The following ANKRD34A variants were observed in gnomAD, a reference collection of about 807,000 sequenced individuals.
The protein encoded by ANKRD34A is ankyrin repeat domain-containing protein 34A.
Under a neutral mutation model 27.1 loss-of-function variants are expected in ANKRD34A, and 7 were observed. That is an observed-to-expected ratio of 0.26 (90% CI 0.15 to 0.49). ANKRD34A has a LOEUF of 0.49. Ranked by LOEUF, ANKRD34A falls within the 20% of genes least tolerant of loss-of-function variation. ANKRD34A has a pLI of 0.99. For synonymous variants in ANKRD34A, 301 were observed against 300.8 expected (o/e 1.00, Z -0.01); for missense variants, 472 against 682.1 (o/e 0.69, Z 3.43).
In ANKRD34A at chr1:145,960,590, T is replaced by A; in HGVS notation, c.1170A>T (p.Ala390=). The A allele has an allele frequency of 6.3e-7, 1 of 1,583,732 alleles. No individual in the cohort carries two copies. Among genetic ancestry groups the A allele is most frequent in the African/African-American group, 1.3e-5 (1 of 74,374 alleles). ...PRQSQESLPG[A]VSPLSGRRRS... is the part of the protein sequence containing the mutation. ...GCCTCCTTCCGCTTAGCGGAGATAC[T>A]GCCCCTGGCAGACTCTCCTGGGACT... is the stretch of plus-strand genomic sequence containing the variant. Residue 390 remains alanine (A), a synonymous_variant, in exon 4 of 4, where the codon GCA becomes GCT. Transcript: ENST00000606888. The surrounding 1 kb of genome is among the most constrained non-coding windows in gnomAD (Gnocchi z 5.5).
In ANKRD34A at chr1:145,961,490, G is replaced by A. The variant is rs150801194; in HGVS notation, c.270C>T (p.Gly90=). 4 of 1,573,930 alleles carry A rather than the reference G, an allele frequency of 2.5e-6. No homozygotes were observed. The highest frequency in any genetic ancestry group is 2.2e-5 in the East Asian group (1 of 44,512). The change falls in exon 4 of 4, where the codon GGC becomes GGT. Residue 90 remains glycine, a synonymous_variant. Coordinates refer to ENST00000606888, the MANE Select transcript of ANKRD34A (RefSeq NM_001039888.4). This position sits in a 1 kb window ranked among gnomAD's most constrained non-coding sequence, Gnocchi z 9.5. ...ALMHACAGGG[G]AAVASLLLAH... Reference sequence around the variant, plus strand: ...CAAGGAGCAGCGAGGCCACCGCGGCGCCCCCACCCCCGGCGCAAGCGTGCA... The same window carrying A: ...CAAGGAGCAGCGAGGCCACCGCGGCACCCCCACCCCCGGCGCAAGCGTGCA...
At position 145,961,869 on chromosome 1, in the gene ANKRD34A, G is replaced by A; in HGVS notation, c.-110C>T. ...GGCAGAGGCCTGAGGTCTCAGTGAC[G>A]AAGCCGATCCCTGCAAGAGAGACAT... is the stretch of plus-strand genomic sequence containing the variant. On this transcript the variant is annotated 5_prime_UTR_variant, in exon 4 of 4. Coordinates refer to ENST00000606888, the MANE Select transcript of ANKRD34A (RefSeq NM_001039888.4). This position sits in a 1 kb window ranked among gnomAD's most constrained non-coding sequence, Gnocchi z 9.5. 4 of 1,249,100 alleles carry A rather than the reference G, an allele frequency of 3.2e-6. No individual in the cohort carries two copies. The highest frequency in any genetic ancestry group is 2.5e-5 in the East Asian group (1 of 39,300). The allele number at this position is 1,249,100 out of a possible 1,614,324, so 77.4% of individuals were successfully genotyped here.
At position 145,961,868 on chromosome 1, in the gene ANKRD34A, C is replaced by G; in HGVS notation, c.-109G>C. On this transcript the variant is annotated 5_prime_UTR_variant, in exon 4 of 4. Transcript: ENST00000606888. The surrounding 1 kb of genome is among the most constrained non-coding windows in gnomAD (Gnocchi z 9.5). The stretch of plus-strand genomic sequence containing the variant: ...TGGCAGAGGCCTGAGGTCTCAGTGA[C>G]GAAGCCGATCCCTGCAAGAGAGACA... 1 of 1,250,490 alleles carries G rather than the reference C, an allele frequency of 8.0e-7. No homozygotes were observed. Among genetic ancestry groups the G allele is most frequent in the Non-Finnish European group, 1.1e-6 (1 of 925,428 alleles). The allele number at this position is 1,250,490 out of a possible 1,614,324, so 77.5% of individuals were successfully genotyped here.
At position 145,960,150 on chromosome 1, in the gene ANKRD34A, C is replaced by G; in HGVS notation, c.*119G>C. On this transcript the variant is annotated 3_prime_UTR_variant, in exon 4 of 4. Coordinates refer to ENST00000606888, the MANE Select transcript of ANKRD34A (RefSeq NM_001039888.4). The surrounding 1 kb of genome is among the most constrained non-coding windows in gnomAD (Gnocchi z 5.5). ...ACATGTTTAACCATGTGTGGGTGCACTGTGCACCCATGAGCACATGCAAGA... is the reference window on the plus strand; with the variant it reads ...ACATGTTTAACCATGTGTGGGTGCAGTGTGCACCCATGAGCACATGCAAGA... 8.0e-7 allele frequency: 1 copy of G among 1,244,510 alleles called. No individual in the cohort carries two copies. The allele number at this position is 1,244,510 out of a possible 1,614,324, so 77.1% of individuals were successfully genotyped here. A position where few individuals can be genotyped will look rare whatever the true frequency, so the allele number is the denominator to read the frequency against.
In ANKRD34A at chr1:145,961,172, CCCT is replaced by C. The variant is rs782018409; in HGVS notation, c.585_587del (p.Gly196del). ...GGGCGCGAGGGGATAACATCCCACG[CCCT>C]CCTCCTCCAGCGGTCTGCAGTTGGA... On this transcript the variant is annotated inframe_deletion, in exon 4 of 4. Coordinates refer to ENST00000606888, the MANE Select transcript of ANKRD34A (RefSeq NM_001039888.4). The surrounding 1 kb of genome is among the most constrained non-coding windows in gnomAD (Gnocchi z 9.5). The C allele has an allele frequency of 2.7e-5, 43 of 1,614,034 alleles. No individual in the cohort carries two copies. Among genetic ancestry groups the C allele is most frequent in the Non-Finnish European group, 3.5e-5 (41 of 1,180,016 alleles).
intron 1 of ANKRD34A, among the ~76,000 whole-genome samples, chr1:145,963,753 C>A (rs1332895345): frequency 6.6e-6 from 1 of 152,160 alleles, no homozygotes; most frequent in Non-Finnish European, 1.5e-5. Context: ...GTGCCATGTG[C>A]TTTACATACA....
chr1:145,961,172 C>T lies in ANKRD34A; in HGVS notation c.588G>A (p.Gly196=). 5.0e-6 allele frequency: 8 copies of T among 1,614,152 alleles called. No homozygotes were observed. Among genetic ancestry groups the T allele is most frequent in the East Asian group, 2.2e-5 (1 of 44,868 alleles). ...GGGCGCGAGGGGATAACATCCCACG[C>T]CCTCCTCCTCCAGCGGTCTGCAGTT... is the stretch of plus-strand genomic sequence containing the variant. The part of the protein sequence containing the change: ...EIQLQTAGGG[G]RGMLSPRAQE... Residue 196 remains glycine (G), a synonymous_variant, in exon 4 of 4, where the codon GGG becomes GGA. Coordinates refer to ENST00000606888, the MANE Select transcript of ANKRD34A (RefSeq NM_001039888.4). This position sits in a 1 kb window ranked among gnomAD's most constrained non-coding sequence, Gnocchi z 9.5.
chr1:145,960,964 G>C lies in ANKRD34A; in HGVS notation c.796C>G (p.Pro266Ala), dbSNP rs202083168. Residue 266 changes from proline (P) to alanine (A), a missense_variant, in exon 4 of 4, where the codon CCG becomes GCG. Coordinates refer to ENST00000606888, the MANE Select transcript of ANKRD34A (RefSeq NM_001039888.4). This position sits in a 1 kb window ranked among gnomAD's most constrained non-coding sequence, Gnocchi z 5.5. ...TCGGCAGTCAAGCGCTCGATCCCCG[G>C]TCTCCCTTCAGTGGGTGGGACTGGT... ...PQPVPPTEGR[P>A]GIERLTAEFN... The C allele has an allele frequency of 4.1e-5, 66 of 1,614,214 alleles. No individual in the cohort carries two copies. In the African/African-American group the frequency reaches 7.5e-4, roughly 18 times the overall value.
rs782096186 is a variant in ANKRD34A at position 145,961,019 on chromosome 1, G to T, written c.741C>A (p.Ser247=). The change falls in exon 4 of 4, where the codon TCC becomes TCA. Residue 247 remains serine (S), a synonymous_variant. Transcript: ENST00000606888. The surrounding 1 kb of genome is among the most constrained non-coding windows in gnomAD (Gnocchi z 9.5). The stretch of plus-strand genomic sequence containing the variant: ...GAGGGGCCACTAGGCCCCAGGGCTC[G>T]GAGTTGAGCCTTTTGAGTGGTTTTG... ...HPPKPLKRLN[S]EPWGLVAPPQ... 1 of 1,613,972 alleles carries T rather than the reference G, an allele frequency of 6.2e-7. No individual in the cohort carries two copies. Among genetic ancestry groups the T allele is most frequent in the African/African-American group, 1.3e-5 (1 of 74,942 alleles).
rs896620185 is a variant in ANKRD34A, at chr1:145,960,005, T to C, written c.*264A>G. The C allele has an allele frequency of 4.8e-6, 2 of 413,258 alleles. No homozygotes were observed. The highest frequency in any genetic ancestry group is 8.8e-6 in the Non-Finnish European group (2 of 227,632). 25.6% of individuals were successfully genotyped at this position (413,258 alleles called of 1,614,324 possible). A position where few individuals can be genotyped will look rare whatever the true frequency, so the allele number is the denominator to read the frequency against. On this transcript the variant is annotated 3_prime_UTR_variant, in exon 4 of 4. Transcript: ENST00000606888. The surrounding 1 kb of genome is among the most constrained non-coding windows in gnomAD (Gnocchi z 5.5). Reference sequence around the variant, plus strand: ...TGTGTTTATTGATATGCTGTGCCTGTAGGTACACAAGTAATCCCATATGCA... The same window carrying C: ...TGTGTTTATTGATATGCTGTGCCTGCAGGTACACAAGTAATCCCATATGCA...
Position 145,961,206 on chromosome 1 carries a change from G to A in ANKRD34A, c.554C>T (p.Ser185Leu), listed in dbSNP as rs140403950. ...TCCAGCGGTCTGCAGTTGGATTTCC[G>A]AAGGCGACGTGCAGAACCCCGGGCT... ...SPSPGFCTSPSEIQLQTAGGG... is the reference protein window; with the variant it reads ...SPSPGFCTSPLEIQLQTAGGG... Residue 185 changes from serine to leucine, a missense_variant, in exon 4 of 4, where the codon TCG becomes TTG. Physicochemically the swap from Ser to Leu is moderately radical, Grantham distance 145 (BLOSUM62 -2). Transcript: ENST00000606888. The surrounding 1 kb of genome is among the most constrained non-coding windows in gnomAD (Gnocchi z 9.5). The A allele has an allele frequency of 3.1e-6, 5 of 1,614,066 alleles. No individual in the cohort carries two copies. Among genetic ancestry groups the A allele is most frequent in the East Asian group, 4.5e-5 (2 of 44,882 alleles).
intron 2 of ANKRD34A, 66 bp from the exon 3 acceptor site, chr1:145,963,034 G>T (rs1570984913): frequency 6.6e-6 from 1 of 152,598 alleles, no homozygotes; most frequent in East Asian, 1.9e-4. Context: ...TGCAAAGAGA[G>T]GCAAGAGATG....
chr1:145,961,325 G>A lies in ANKRD34A; in HGVS notation c.435C>T (p.Thr145=). The change falls in exon 4 of 4, where the codon ACC becomes ACT. Residue 145 remains threonine, a synonymous_variant. Transcript: ENST00000606888. This position sits in a 1 kb window ranked among gnomAD's most constrained non-coding sequence, Gnocchi z 9.5. ...TGGTGCCTGAGGGCGAGGTATCGGT[G>A]GTGATGATGATGACCTCCGTACCCT... ...KAKGTEVIII[T]TDTSPSGTKK... 1 of 1,614,096 alleles carries A rather than the reference G, an allele frequency of 6.2e-7. No individual in the cohort carries two copies.
At chr1:145,963,009 C>G (rs973549701) in intron 2 of ANKRD34A, 41 bp from the exon 3 acceptor site, 7 of 152,378 alleles carry the variant, frequency 4.6e-5, no homozygotes, top group Non-Finnish European at 1.0e-4. Context: ...GGATCCACAG[C>G]CGGTGTCCAT....
chr1:145,959,526 A>C lies in ANKRD34A; in HGVS notation c.*743T>G, dbSNP rs1375342793. 6.0e-6 allele frequency: 1 copy of C among 167,108 alleles called. No individual in the cohort carries two copies. Among genetic ancestry groups the C allele is most frequent in the African/African-American group, 2.4e-5 (1 of 41,436 alleles). The allele number at this position is 167,108 out of a possible 1,614,324, so 10.4% of individuals were successfully genotyped here. On this transcript the variant is annotated 3_prime_UTR_variant, in exon 4 of 4. Transcript: ENST00000606888. ...CCCACTTCTACCTGTGGGGGTGTTC[A>C]TAAGCTCAGACAGACAGAAGAGCAG...
chr1:145,961,053 C>A lies in ANKRD34A; in HGVS notation c.707G>T (p.Arg236Leu), dbSNP rs782304767. ...SPSEPLPKPP[R>L]HPPKPLKRLN... is the part of the protein sequence containing the mutation. ...CCTTTTGAGTGGTTTTGGGGGATGGCGTGGTGGTTTGGGGAGCGGCTCGGA... is the reference window on the plus strand; with the variant it reads ...CCTTTTGAGTGGTTTTGGGGGATGGAGTGGTGGTTTGGGGAGCGGCTCGGA... The change falls in exon 4 of 4, where the codon CGC becomes CTC. Residue 236 changes from arginine to leucine, a missense_variant. Physicochemically the swap from Arg to Leu is moderately radical, Grantham distance 102. Coordinates refer to ENST00000606888, the MANE Select transcript of ANKRD34A (RefSeq NM_001039888.4). This position sits in a 1 kb window ranked among gnomAD's most constrained non-coding sequence, Gnocchi z 9.5. 6.2e-7 allele frequency: 1 copy of A among 1,613,100 alleles called. No individual in the cohort carries two copies. Among genetic ancestry groups the A allele is most frequent in the African/African-American group, 1.3e-5 (1 of 74,716 alleles).
rs1553761304 is a variant in ANKRD34A at position 145,961,083 on chromosome 1, G to T, written c.677C>A (p.Ser226Tyr). The T allele has an allele frequency of 6.2e-7, 1 of 1,613,810 alleles. No homozygotes were observed. The highest frequency in any genetic ancestry group is 1.1e-5 in the South Asian group (1 of 91,050). Residue 226 changes from serine to tyrosine, a missense_variant, in exon 4 of 4, where the codon TCC becomes TAC. This residue lies in a region of ANKRD34A where 295 missense variants were observed against 335.0 expected (regional missense o/e 0.88). Coordinates refer to ENST00000606888, the MANE Select transcript of ANKRD34A (RefSeq NM_001039888.4). The surrounding 1 kb of genome is among the most constrained non-coding windows in gnomAD (Gnocchi z 9.5). ...FPLPKPPDDP[S>Y]PSEPLPKPPR... ...TGGTTTGGGGAGCGGCTCGGAAGGG[G>T]ATGGGTCATCGGGGGGCTTAGGAAG...
rs1649788316 is a variant in ANKRD34A, at chr1:145,961,996, C to T, written c.-120-117G>A. 2 of 533,234 alleles carry T rather than the reference C, an allele frequency of 3.8e-6. No homozygotes were observed. Among genetic ancestry groups the T allele is most frequent in the Non-Finnish European group, 6.6e-6 (2 of 305,022 alleles). The allele number at this position is 533,234 out of a possible 1,614,324, so 33.0% of individuals were successfully genotyped here. Reference sequence around the variant, plus strand: ...ATACAGTCCTTCCTCTAACTCATGCCTTTGAGCCGGCCCTTCCCCCGCAGC... The same window carrying T: ...ATACAGTCCTTCCTCTAACTCATGCTTTTGAGCCGGCCCTTCCCCCGCAGC... On this transcript the variant is annotated intron_variant, in intron 3 of 3. Transcript: ENST00000606888. This position sits in a 1 kb window ranked among gnomAD's most constrained non-coding sequence, Gnocchi z 9.5.
Position 145,960,115 on chromosome 1 carries a change from G to A in ANKRD34A, c.*154C>T. The A allele has an allele frequency of 1.2e-6, 1 of 866,390 alleles. No individual in the cohort carries two copies. Among genetic ancestry groups the A allele is most frequent in the Non-Finnish European group, 1.7e-6 (1 of 597,028 alleles). The allele number at this position is 866,390 out of a possible 1,614,324, so 53.7% of individuals were successfully genotyped here. A position where few individuals can be genotyped will look rare whatever the true frequency, so the allele number is the denominator to read the frequency against. On this transcript the variant is annotated 3_prime_UTR_variant, in exon 4 of 4. Transcript: ENST00000606888. This position sits in a 1 kb window ranked among gnomAD's most constrained non-coding sequence, Gnocchi z 5.5. The stretch of plus-strand genomic sequence containing the variant: ...TCTTTCTTGCTAATAAGAGTACTGT[G>A]CTTATGGACACATGTTTAACCATGT...
Sources: allele counts gnomAD v4.1 joint callset (sites outside exome capture counted in the v4.1 genomes callset), GRCh38; gene constraint gnomAD v4.1.1; regional missense constraint gnomAD v4.1.1; non-coding constraint Gnocchi (gnomAD v3.1); transcripts MANE v1.5; gene names NCBI Gene and HGNC (gene_info 2026-07-23, HGNC 2026-07-21).